Variants in SOS1 observed in about 807,000 individuals in gnomAD.
The protein encoded by SOS1 is SOS Ras/Rac guanine nucleotide exchange factor 1.
A neutral mutation model predicts 157.6 loss-of-function variants in SOS1; 25 were observed. The ratio of observed to expected loss-of-function variants is 0.16; its 90% CI spans 0.12 to 0.22. The LOEUF (loss-of-function observed/expected upper bound fraction) is 0.22. Among genes scored for constraint, SOS1 ranks in the 10% least tolerant of loss-of-function variants. The pLI is 1.00. For synonymous variants in SOS1, 528 were observed against 534.0 expected, an observed-to-expected ratio of 0.99 and a Z score of 0.16; for missense variants, 1,237 against 1,599.1, an observed-to-expected ratio of 0.77 and a Z score of 3.86.
At chr2:39,056,978 C>A in intron 3 of SOS1, 112 bp from the exon 4 acceptor site, 1 of 752,446 alleles carries the variant, frequency 1.3e-6, no homozygotes, top group Non-Finnish European at 2.3e-6. Context: ...TTCCTGAGGC[C>A]TGTGCTTACC....
intron 5 of SOS1, among the ~76,000 whole-genome samples, chr2:39,053,890 C>A (rs1284064142): frequency 1.3e-5 from 2 of 151,852 alleles, no homozygotes; most frequent in African/African-American, 4.8e-5. Flanking sequence ...TAGTTTATAT[C>A]TCTGTCTTGA....
intron 20 of SOS1, among the ~76,000 whole-genome samples, chr2:38,994,273 C>G (rs1034969060): frequency 1.3e-5 from 2 of 152,096 alleles, no homozygotes; most frequent in Admixed American, 1.3e-4. Flanking sequence ...GCTAACTAGA[C>G]AATTGAAGTT....
Position 38,985,280 on chromosome 2 carries a change from G to A in SOS1, c.*544C>T, listed in dbSNP as rs886056020. On this transcript the variant is annotated 3_prime_UTR_variant, in exon 23 of 23. Coordinates refer to ENST00000402219, the MANE Select transcript of SOS1 (RefSeq NM_005633.4). Reference sequence around the variant, plus strand: ...GTAATAATCTGTAAACAGGCCTGTAGTACAGTGCCGGGCCTTGATTTCAAC... The same window carrying A: ...GTAATAATCTGTAAACAGGCCTGTAATACAGTGCCGGGCCTTGATTTCAAC... The A allele has an allele frequency of 1.2e-5, 2 of 170,396 alleles. No individual in the cohort carries two copies. The highest frequency in any genetic ancestry group is 1.5e-4 in the East Asian group (1 of 6,774). 10.6% of individuals were successfully genotyped at this position (170,396 alleles called of 1,614,324 possible).
chr2:39,049,824 C>G (rs928366501), intron 6 of SOS1, among the ~76,000 whole-genome samples: 2 of 152,198 alleles, frequency 1.3e-5, no homozygotes, highest in Non-Finnish European at 2.9e-5. Context: ...CACATCAAGT[C>G]CACAACTTTT....
rs546853611 is a variant in SOS1 at position 39,007,383 on chromosome 2, C to G, written c.2511-190G>C. The stretch of plus-strand genomic sequence containing the variant: ...CTCCAGTCAGGCATACTGCTCTTTC[C>G]CGTCTTCTAGACTGGTACAGTCAAA... On this transcript the variant is annotated intron_variant, in intron 15 of 22. Coordinates refer to ENST00000402219, the MANE Select transcript of SOS1 (RefSeq NM_005633.4). The G allele has an allele frequency of 5.6e-5, 33 of 590,246 alleles. 1 individual carries two copies. Among genetic ancestry groups the G allele is most frequent in the Non-Finnish European group, 9.9e-5 (33 of 334,206 alleles). 36.6% of individuals were successfully genotyped at this position (590,246 alleles called of 1,614,324 possible). A position where few individuals can be genotyped will look rare whatever the true frequency, so the allele number is the denominator to read the frequency against.
chr2:39,040,090 C>T (rs1251341020), intron 6 of SOS1, among the ~76,000 whole-genome samples: 1 of 152,092 alleles, frequency 6.6e-6, no homozygotes, highest in East Asian at 1.9e-4. Flanking sequence ...CGGCTCACTG[C>T]AAGCTCCGCC....
chr2:39,122,891 G>A (rs916811226), upstream of SOS1, among the ~76,000 whole-genome samples: 1 of 152,044 alleles, frequency 6.6e-6, no homozygotes, highest in African/African-American at 2.4e-5. Flanking sequence ...GAAGAGATTG[G>A]TTTGTATGGT....
rs1673658745 is a variant in SOS1 at position 39,116,595 on chromosome 2, G to A, written c.87+3741C>T. On this transcript the variant is annotated intron_variant, in intron 1 of 22. Transcript: ENST00000402219. ...CCCCTACTTAAAACTTATTGGCTGG[G>A]CACAGTGGCTCACCCTGTAATCCTA... 2.0e-5 allele frequency among the ~76,000 whole-genome samples: 3 copies of A among 152,202 alleles called. No homozygotes were observed. In the South Asian group the frequency reaches 6.2e-4, roughly 31 times the overall value.
intron 10 of SOS1, 56 bp downstream of exon 10, chr2:39,022,514 A>G: frequency 7.2e-7 from 1 of 1,395,014 alleles, no homozygotes; most frequent in Non-Finnish European, 1.0e-6. Flanking sequence ...CATGCAGGAA[A>G]GAAAATCAGT....
chr2:39,074,358 GA>G (rs11399990), intron 1 of SOS1, among the ~76,000 whole-genome samples: 2,419 of 136,004 alleles, frequency 0.018, 73 homozygotes, highest in African/African-American at 0.062. Context: ...TCAGAAAAAA[GA>G]AAAAAAAAAA....
In SOS1 at chr2:39,047,023, G is replaced by T. The variant is rs554701522; in HGVS notation, c.864+4121C>A. Among the ~76,000 whole-genome samples, 7 of 152,108 alleles carry T rather than the reference G, an allele frequency of 4.6e-5. No homozygotes were observed. The East Asian group carries it at 1.4e-3, about 29-fold the overall frequency. On this transcript the variant is annotated intron_variant, in intron 6 of 22. Coordinates refer to ENST00000402219, the MANE Select transcript of SOS1 (RefSeq NM_005633.4). The stretch of plus-strand genomic sequence containing the variant: ...CTTTACATAAAGTCTGCAATTTGAT[G>T]ACTTTTAACATATGTATACAATGCA...
intron 1 of SOS1, among the ~76,000 whole-genome samples, chr2:39,090,833 G>A (rs1282960068): frequency 6.6e-6 from 1 of 152,026 alleles, no homozygotes; most frequent in East Asian, 1.9e-4. Flanking sequence ...TTCCAATTCA[G>A]TAGTTCTTGG....
chr2:39,057,757 T>C (rs931898494), intron 3 of SOS1, among the ~76,000 whole-genome samples: 1 of 152,094 alleles, frequency 6.6e-6, no homozygotes, highest in Non-Finnish European at 1.5e-5. Flanking sequence ...ATGAAAATCA[T>C]GAAGAGAATG....
At chr2:39,040,211 G>C (rs867142514) in intron 6 of SOS1, among the ~76,000 whole-genome samples, 6 of 151,674 alleles carry the variant, frequency 4.0e-5, no homozygotes, top group African/African-American at 1.2e-4. Flanking sequence ...TAGAGATGGC[G>C]TTTCACCGTG....
chr2:38,982,604 T>C lies in SOS1; in HGVS notation c.*3220A>G, dbSNP rs947627935. 1 of 152,130 alleles carries C rather than the reference T, an allele frequency of 6.6e-6. No homozygotes were observed. The highest frequency in any genetic ancestry group is 2.4e-5 in the African/African-American group (1 of 41,438). The allele number at this position is 152,130 out of a possible 1,614,324, so 9.4% of individuals were successfully genotyped here. Reference sequence around the variant, plus strand: ...CAGCAGAATACCAAGAAATAAATGGTTAAACTGTTTCTTTCTAAATCTGAA... The same window carrying C: ...CAGCAGAATACCAAGAAATAAATGGCTAAACTGTTTCTTTCTAAATCTGAA... On this transcript the variant is annotated 3_prime_UTR_variant, in exon 23 of 23. Coordinates refer to ENST00000402219, the MANE Select transcript of SOS1 (RefSeq NM_005633.4).
intron 9 of SOS1, 147 bp from the exon 10 acceptor site, chr2:39,023,372 T>A (rs979360494): frequency 3.4e-6 from 2 of 590,570 alleles, no homozygotes; most frequent in African/African-American, 1.9e-5. Context: ...ATTACAAAAT[T>A]ACACAATTTT....
chr2:38,987,481 G>T lies in SOS1; in HGVS notation c.3502C>A (p.Pro1168Thr). ...AAGATTTCTTACTTTACCTTAGATG[G>T]TGAAGATTCTGCTGGGGCAGATTCT... ...RPESAPAESS[P>T]SKIMSKHLDS... The change falls in exon 22 of 23, where the codon CCA becomes ACA. Residue 1168 changes from proline (P) to threonine (T), a missense_variant. By Grantham distance (38) the Pro-to-Thr change is conservative. Around this residue, in one of 15 missense-constraint regions of SOS1, gnomAD observed 306 missense variants for 322.6 expected, o/e 0.95. Transcript: ENST00000402219. 1 of 1,540,908 alleles carries T rather than the reference G, an allele frequency of 6.5e-7. No homozygotes were observed. The highest frequency in any genetic ancestry group is 9.0e-7 in the Non-Finnish European group (1 of 1,116,398).
chr2:38,988,890 A>C (rs1407755735), intron 21 of SOS1, among the ~76,000 whole-genome samples: 1 of 150,584 alleles, frequency 6.6e-6, no homozygotes, highest in East Asian at 1.9e-4. Context: ...ATATTTTGTG[A>C]TTTAGAAACT....
At chr2:39,063,463 C>T (rs1671481205) in intron 2 of SOS1, among the ~76,000 whole-genome samples, 1 of 152,206 alleles carries the variant, frequency 6.6e-6, no homozygotes, top group Non-Finnish European at 1.5e-5. Flanking sequence ...GAAACTGAAG[C>T]ACGACTCTAC....
Sources: gnomAD v4.1 joint callset for allele counts (sites outside exome capture counted in the v4.1 genomes callset) on GRCh38, gnomAD v4.1.1 for gene constraint, gnomAD v4.1.1 regional missense constraint, MANE v1.5 for transcripts, NCBI Gene and HGNC (gene_info 2026-07-23, HGNC 2026-07-21) for gene names.